The following NPAS3 variants were observed in gnomAD, a reference collection of about 807,000 sequenced individuals.
NPAS3 encodes neuronal PAS domain-containing protein 3.
In NPAS3, 14 loss-of-function variants were observed where a neutral mutation model predicts 73.1. That is an observed-to-expected ratio of 0.19 (90% CI 0.13 to 0.30). NPAS3 has a LOEUF of 0.30. NPAS3 is among the 10% of genes least tolerant of loss of function. NPAS3 has a pLI of 1.00. For synonymous variants in NPAS3, 620 were observed against 541.5 expected, an observed-to-expected ratio of 1.14 and a Z score of -2.01; for missense variants, 1,096 against 1,250.0, an observed-to-expected ratio of 0.88 and a Z score of 1.86.
chr14:33,614,964 G>C (rs550128903), intron 5 of NPAS3, among the ~76,000 whole-genome samples: 17 of 152,230 alleles, frequency 1.1e-4, no homozygotes, highest in Admixed American at 7.8e-4. Context: ...AGTTGAGAGA[G>C]ATGGATGTGC....
chr14:33,403,984 A>G (rs569127684), intron 4 of NPAS3, among the ~76,000 whole-genome samples: 2 of 152,324 alleles, frequency 1.3e-5, no homozygotes, highest in South Asian at 4.1e-4. Flanking sequence ...AAGCACAACC[A>G]TATTCAAATG....
intron 3 of NPAS3, among the ~76,000 whole-genome samples, chr14:33,314,949 G>A (rs921294969): frequency 6.6e-6 from 1 of 152,070 alleles, no homozygotes; most frequent in Non-Finnish European, 1.5e-5. Context: ...GCTTTCATGA[G>A]GTTTATAATG....
intron 1 of NPAS3, among the ~76,000 whole-genome samples, chr14:32,947,330 G>A (rs975022479): frequency 2.0e-5 from 3 of 152,026 alleles, no homozygotes; most frequent in African/African-American, 7.2e-5. Flanking sequence ...TTTCAATGGT[G>A]GCAAGTGGAA....
chr14:33,131,903 G>C (rs2043650946), intron 2 of NPAS3, among the ~76,000 whole-genome samples: 1 of 152,166 alleles, frequency 6.6e-6, no homozygotes, highest in Non-Finnish European at 1.5e-5. Flanking sequence ...GATAGAGAAA[G>C]TGGGACAAGT....
chr14:33,706,632 C>T (rs559761965), intron 6 of NPAS3, among the ~76,000 whole-genome samples: 13 of 152,088 alleles, frequency 8.5e-5, no homozygotes, highest in Non-Finnish European at 1.8e-4. Flanking sequence ...CTAACATGTG[C>T]CAAGCATTTT....
chr14:33,630,251 CTT>C (rs1162203139), intron 5 of NPAS3, among the ~76,000 whole-genome samples: 1 of 152,138 alleles, frequency 6.6e-6, no homozygotes, highest in African/African-American at 2.4e-5. Flanking sequence ...AGGGGGGTCT[CTT>C]TTGCACAACT....
chr14:32,986,749 G>A lies in NPAS3; in HGVS notation c.50+47383G>A, dbSNP rs760108876. 5.8e-4 allele frequency among the ~76,000 whole-genome samples: 89 copies of A among 152,340 alleles called. 1 individual carries two copies. Among genetic ancestry groups the A allele is most frequent in the Admixed American group, 5.9e-4 (9 of 15,306 alleles). ...ACTGCATAACATTTAGTTAACAGCAGCGTTGTAGCTTTGATTGAGCTGGGC... is the reference window on the plus strand; with the variant it reads ...ACTGCATAACATTTAGTTAACAGCAACGTTGTAGCTTTGATTGAGCTGGGC... On this transcript the variant is annotated intron_variant, in intron 1 of 11. Transcript: ENST00000356141.
chr14:33,770,897 C>CCAT (rs1385046890), intron 7 of NPAS3, among the ~76,000 whole-genome samples: 2 of 152,190 alleles, frequency 1.3e-5, no homozygotes, highest in East Asian at 3.9e-4. Flanking sequence ...GAGTAAGACT[C>CCAT]CATCTCAAAA....
intron 3 of NPAS3, among the ~76,000 whole-genome samples, chr14:33,234,343 G>A (rs2047955617): frequency 6.6e-6 from 1 of 152,100 alleles, no homozygotes; most frequent in Non-Finnish European, 1.5e-5. Context: ...AGACCTAAGG[G>A]ATTTACGCAT....
intron 6 of NPAS3, among the ~76,000 whole-genome samples, chr14:33,731,446 A>C (rs1357791262): frequency 6.0e-5 from 9 of 148,934 alleles, no homozygotes; most frequent in Admixed American, 2.0e-4. Context: ...AAAAAGAGAG[A>C]GAGAAAGAAA....
chr14:33,300,397 G>A (rs376414204), intron 3 of NPAS3, among the ~76,000 whole-genome samples: 6 of 152,164 alleles, frequency 3.9e-5, no homozygotes, highest in African/African-American at 1.2e-4. Context: ...GAACCACCAC[G>A]TAACATTGGC....
chr14:33,057,001 C>T (rs980953947), intron 2 of NPAS3, among the ~76,000 whole-genome samples: 8 of 152,128 alleles, frequency 5.3e-5, no homozygotes, highest in African/African-American at 1.9e-4. Context: ...TGAATGCAAG[C>T]TGGTGAGTCC....
chr14:33,443,311 G>A (rs577250009), intron 4 of NPAS3, among the ~76,000 whole-genome samples: 1 of 151,860 alleles, frequency 6.6e-6, no homozygotes, highest in Admixed American at 6.6e-5. Context: ...ACCAAGATTT[G>A]TAATGCATGC....
chr14:33,442,208 C>G (rs765939515), intron 4 of NPAS3, among the ~76,000 whole-genome samples: 18 of 152,054 alleles, frequency 1.2e-4, no homozygotes, highest in Non-Finnish European at 2.1e-4. Flanking sequence ...ATGATACTAG[C>G]TATTTAGCAG....
chr14:33,771,110 A>G (rs1243436601), intron 7 of NPAS3, among the ~76,000 whole-genome samples: 1 of 152,202 alleles, frequency 6.6e-6, no homozygotes, highest in African/African-American at 2.4e-5. Flanking sequence ...CTTAAAGGCA[A>G]CTATAAAATG....
At chr14:33,771,464 T>G (rs1293434247) in intron 7 of NPAS3, among the ~76,000 whole-genome samples, 1 of 152,188 alleles carries the variant, frequency 6.6e-6, no homozygotes, top group Admixed American at 6.5e-5. Flanking sequence ...TAACTTGAGC[T>G]TCTAGTTATA....
rs547215853 is a variant in NPAS3, at chr14:33,038,569, T to TAGTG, written c.51-17334_51-17331dup. Among the ~76,000 whole-genome samples, 282 of 152,230 alleles carry TAGTG rather than the reference T, an allele frequency of 1.9e-3. 1 individual carries two copies. Among genetic ancestry groups the TAGTG allele is most frequent in the African/African-American group, 6.3e-3 (263 of 41,522 alleles). ...TATATATATAAAATGATATAATGTG[T>TAGTG]AGTGAAATTAGCTTTTTAAAGGGAT... On this transcript the variant is annotated intron_variant, in intron 1 of 11. Coordinates refer to ENST00000356141, the Ensembl canonical transcript of NPAS3.
At chr14:33,386,740 T>C (rs2046789966) in intron 4 of NPAS3, among the ~76,000 whole-genome samples, 1 of 152,158 alleles carries the variant, frequency 6.6e-6, no homozygotes, top group Non-Finnish European at 1.5e-5. Context: ...TATAAAAACA[T>C]TTACAAAGCT....
intron 2 of NPAS3, among the ~76,000 whole-genome samples, chr14:33,093,306 A>C (rs552782151): frequency 0.011 from 1,640 of 152,334 alleles, 29 homozygotes; most frequent in African/African-American, 0.037. Flanking sequence ...AAAAGTGGGC[A>C]AAGGTTATGA....
Sources: gnomAD v4.1 joint callset for allele counts (sites outside exome capture counted in the v4.1 genomes callset) on GRCh38, gnomAD v4.1.1 for gene constraint, MANE v1.5 for transcripts, NCBI Gene and HGNC (gene_info 2026-07-23, HGNC 2026-07-21) for gene names.